The following NHSL3 variants were observed in gnomAD, a reference collection of about 807,000 sequenced individuals.
The protein encoded by NHSL3 is NHS-like protein 3.
the NHSL3 span, chr1:32,742,248 G>A: frequency 2.4e-6 from 3 of 1,232,512 alleles, 1 homozygote; most frequent in Admixed American, 1.3e-4. Flanking sequence ...GGCCGAGGGG[G>A]CTCTGCCGGG....
chr1:32,770,396 G>T, the NHSL3 span: 1 of 1,607,816 alleles, frequency 6.2e-7, no homozygotes, highest in African/African-American at 1.3e-5. This position sits in a 1 kb window ranked among gnomAD's most constrained non-coding sequence, Gnocchi z 8.3. Context: ...CAGCCCCGCA[G>T]CCGCCACCCA....
At chr1:32,767,693 G>T in the NHSL3 span, 1 of 1,097,720 alleles carries the variant, frequency 9.1e-7, no homozygotes, top group Non-Finnish European at 1.3e-6. Flanking sequence ...GCCGTGTGCA[G>T]TCTGGGGACC....
chr1:32,770,865 G>T, the NHSL3 span: 1 of 1,608,706 alleles, frequency 6.2e-7, no homozygotes. This position sits in a 1 kb window ranked among gnomAD's most constrained non-coding sequence, Gnocchi z 8.3. Context: ...TACCTGGCTT[G>T]TCTCCGGGTG....
chr1:32,772,653 C>T, the NHSL3 span, among the ~76,000 whole-genome samples: 5 of 152,172 alleles, frequency 3.3e-5, no homozygotes, highest in Non-Finnish European at 5.9e-5. Context: ...TGCCTCTTTC[C>T]CTACCCTTCC....
At chr1:32,771,669 G>T in the NHSL3 span, 2 of 1,611,194 alleles carry the variant, frequency 1.2e-6, no homozygotes, top group Non-Finnish European at 1.7e-6. Context: ...TTCAGCCCCC[G>T]GGTAGCCCAG....
At chr1:32,753,926 G>A in the NHSL3 span, 1 of 247,712 alleles carries the variant, frequency 4.0e-6, no homozygotes, top group Non-Finnish European at 8.0e-6. Flanking sequence ...GCCCGCCCCC[G>A]GCCTGGCCAT....
At chr1:32,766,929 G>T in the NHSL3 span, among the ~76,000 whole-genome samples, 1 of 152,120 alleles carries the variant, frequency 6.6e-6, no homozygotes, top group African/African-American at 2.4e-5. Flanking sequence ...CTCCAGGAGA[G>T]GGGGATACCT....
At chr1:32,757,926 G>C in the NHSL3 span, among the ~76,000 whole-genome samples, 1 of 152,178 alleles carries the variant, frequency 6.6e-6, no homozygotes, top group Non-Finnish European at 1.5e-5. Flanking sequence ...TATGTAAAGA[G>C]GACTAGTGGA....
At chr1:32,771,488 C>A in the NHSL3 span, 1 of 1,579,304 alleles carries the variant, frequency 6.3e-7, no homozygotes. Context: ...CCCAACTGGC[C>A]CCCTCCCCCA....
chr1:32,745,058 G>A, the NHSL3 span, among the ~76,000 whole-genome samples: 3 of 151,500 alleles, frequency 2.0e-5, no homozygotes, highest in African/African-American at 2.4e-5. Flanking sequence ...CTCGGGAGGC[G>A]GAGGTTGCAG....
chr1:32,761,292 C>G, the NHSL3 span, among the ~76,000 whole-genome samples: 1 of 152,148 alleles, frequency 6.6e-6, no homozygotes, highest in Non-Finnish European at 1.5e-5. Flanking sequence ...AGCCCCTCCC[C>G]AAGCGAGCCA....
the NHSL3 span, among the ~76,000 whole-genome samples, chr1:32,759,018 G>A: frequency 6.6e-6 from 1 of 152,190 alleles, no homozygotes; most frequent in Admixed American, 6.5e-5. Flanking sequence ...GATTTGAAGA[G>A]AGCTGGAGTG....
chr1:32,746,288 T>C, the NHSL3 span, among the ~76,000 whole-genome samples: 1 of 148,574 alleles, frequency 6.7e-6, no homozygotes, highest in Non-Finnish European at 1.5e-5. Context: ...CAAACAGGAA[T>C]CCATATCTTC....
chr1:32,748,137 G>C, the NHSL3 span, among the ~76,000 whole-genome samples: 1 of 152,060 alleles, frequency 6.6e-6, no homozygotes, highest in Non-Finnish European at 1.5e-5. Context: ...AAATTAGCCA[G>C]GCGTAGTGGC....
the NHSL3 span, among the ~76,000 whole-genome samples, chr1:32,762,772 T>G: frequency 6.6e-6 from 1 of 152,118 alleles, no homozygotes; most frequent in Non-Finnish European, 1.5e-5. Flanking sequence ...GTATTTTTAG[T>G]AGAGACGGGC....
the NHSL3 span, among the ~76,000 whole-genome samples, chr1:32,756,553 A>G: frequency 8.1e-6 from 1 of 122,940 alleles, no homozygotes; most frequent in African/African-American, 3.1e-5. Context: ...CAGTAGCTTG[A>G]GAGGCTGAGG....
the NHSL3 span, among the ~76,000 whole-genome samples, chr1:32,761,597 A>G: frequency 3.3e-4 from 51 of 152,262 alleles, no homozygotes; most frequent in African/African-American, 1.1e-3. Context: ...AGAGTTCAGG[A>G]AGTCACTTAG....
the NHSL3 span, among the ~76,000 whole-genome samples, chr1:32,763,633 G>A: frequency 7.9e-5 from 12 of 152,048 alleles, no homozygotes; most frequent in Non-Finnish European, 1.0e-4. Flanking sequence ...GTGCAGTAGC[G>A]GGATCTCAGC....
At chr1:32,745,142 A>G in the NHSL3 span, among the ~76,000 whole-genome samples, 1 of 151,420 alleles carries the variant, frequency 6.6e-6, no homozygotes. Flanking sequence ...AAGAAAAAAA[A>G]AAGAAAATTA....
Sources: gnomAD v4.1 joint callset for allele counts (sites outside exome capture counted in the v4.1 genomes callset) on GRCh38, gnomAD v4.1.1 for gene constraint, Gnocchi (gnomAD v3.1) non-coding constraint, MANE v1.5 for transcripts, NCBI Gene and HGNC (gene_info 2026-07-23, HGNC 2026-07-21) for gene names.